The following PCDH15 variants were observed in gnomAD, a reference collection of about 807,000 sequenced individuals.
PCDH15 encodes protocadherin related 15.
PCDH15 carries 129 observed loss-of-function variants against 178.5 expected under a neutral mutation model. That is an observed-to-expected ratio of 0.72 (90% CI 0.63 to 0.84). The LOEUF (loss-of-function observed/expected upper bound fraction) is 0.84, where lower values mean the gene tolerates loss of function less well. Ranked by LOEUF, PCDH15 falls within the 40% of genes least tolerant of loss-of-function variation. The pLI is 0.00. For synonymous variants in PCDH15, 800 were observed against 732.0 expected, an observed-to-expected ratio of 1.09 and a Z score of -1.50; for missense variants, 2,230 against 2,099.9, an observed-to-expected ratio of 1.06 and a Z score of -1.21.
At chr10:54,459,849 T>C (rs1342003694) in intron 3 of PCDH15, among the ~76,000 whole-genome samples, 2 of 152,132 alleles carry the variant, frequency 1.3e-5, no homozygotes, top group East Asian at 3.9e-4. Context: ...GAGAGGTTTT[T>C]GTTTTATCCT....
At position 54,925,608 on chromosome 10, in the gene PCDH15, T is replaced by C. The variant is rs1837600453; in HGVS notation, c.-79-28108A>G. Among the ~76,000 whole-genome samples the C allele has an allele frequency of 2.6e-5, 4 of 152,174 alleles. No homozygotes were observed. The South Asian group carries it at 8.3e-4, about 32-fold the overall frequency. The stretch of plus-strand genomic sequence containing the variant: ...TGTTTTTCCATTTGTTTGTGTCATC[T>C]GGGAATTCTTTGAGCAGTGTTTTGT... On this transcript the variant is annotated intron_variant, in intron 2 of 5. Coordinates refer to the PCDH15 transcript ENST00000458638.
chr10:54,305,961 G>A (rs1287244724), intron 8 of PCDH15, among the ~76,000 whole-genome samples: 1 of 152,012 alleles, frequency 6.6e-6, no homozygotes, highest in Non-Finnish European at 1.5e-5. Context: ...AATGAGACAA[G>A]ATAGTGTAGG....
intron 5 of PCDH15, among the ~76,000 whole-genome samples, chr10:54,348,505 TC>T (rs1202234929): frequency 1.5e-4 from 23 of 152,334 alleles, no homozygotes; most frequent in Non-Finnish European, 3.2e-4. Context: ...GCAAAAGACA[TC>T]CTTATCTTTT....
intron 18 of PCDH15, among the ~76,000 whole-genome samples, chr10:54,061,508 G>C (rs929642507): frequency 6.6e-6 from 1 of 151,464 alleles, no homozygotes; most frequent in African/African-American, 2.4e-5. Context: ...CATTTTTTTG[G>C]CTGGTATTTT....
At chr10:54,203,394 G>C (rs1458264088) in intron 10 of PCDH15, among the ~76,000 whole-genome samples, 1 of 152,084 alleles carries the variant, frequency 6.6e-6, no homozygotes, top group South Asian at 2.1e-4. Context: ...GTATGCCTGT[G>C]TATACACAGT....
At chr10:53,902,137 G>A (rs183874918) in intron 26 of PCDH15, among the ~76,000 whole-genome samples, 6 of 152,190 alleles carry the variant, frequency 3.9e-5, no homozygotes, top group East Asian at 1.9e-4. Context: ...AGCTACAAAG[G>A]ATTCCTACTT....
At chr10:53,994,788 A>G (rs2091744161) in intron 21 of PCDH15, 1 of 152,146 alleles carries the variant, frequency 6.6e-6, no homozygotes. Context: ...TCCAAATCGA[A>G]GCTGAAAAAT....
At chr10:55,305,456 G>C (rs945814959) in intron 1 of PCDH15, among the ~76,000 whole-genome samples, 2 of 152,204 alleles carry the variant, frequency 1.3e-5, no homozygotes, top group African/African-American at 4.8e-5. Flanking sequence ...TCATACCAAA[G>C]TGAAAGCCTG....
chr10:54,307,526 A>T (rs1353091479), intron 8 of PCDH15, among the ~76,000 whole-genome samples: 1 of 151,798 alleles, frequency 6.6e-6, no homozygotes, highest in Non-Finnish European at 1.5e-5. Flanking sequence ...AGGGAGCAAG[A>T]TACCTCCCCG....
chr10:54,543,071 G>A (rs112142636), intron 2 of PCDH15, among the ~76,000 whole-genome samples: 3,605 of 152,232 alleles, frequency 0.024, 146 homozygotes, highest in African/African-American at 0.084. Flanking sequence ...GAAGGAGGCG[G>A]AGTTTGGTCC....
chr10:54,083,628 A>G (rs1590311860), intron 16 of PCDH15, among the ~76,000 whole-genome samples: 1 of 152,160 alleles, frequency 6.6e-6, no homozygotes, highest in African/African-American at 2.4e-5. Context: ...GCTAAGGGAA[A>G]TAAGGAATAG....
At chr10:54,855,811 T>C (rs915968774) in intron 3 of PCDH15, among the ~76,000 whole-genome samples, 5 of 152,202 alleles carry the variant, frequency 3.3e-5, no homozygotes, top group South Asian at 2.1e-4. Context: ...CTGAGTAGCA[T>C]TGACATAGGC....
intron 2 of PCDH15, among the ~76,000 whole-genome samples, chr10:54,991,758 T>A (rs2131917773): frequency 6.6e-6 from 1 of 152,172 alleles, no homozygotes; most frequent in East Asian, 1.9e-4. Flanking sequence ...TCGACTTATT[T>A]ATCAGTGGAG....
chr10:53,829,180 T>C (rs1256753448), intron 30 of PCDH15, among the ~76,000 whole-genome samples: 1 of 152,214 alleles, frequency 6.6e-6, no homozygotes, highest in African/African-American at 2.4e-5. Context: ...CTTTAAATAT[T>C]AGAATTTTAC....
chr10:55,452,237 C>A (rs1313800320), intron 2 of PCDH15, among the ~76,000 whole-genome samples: 1 of 59,280 alleles, frequency 1.7e-5, no homozygotes, highest in African/African-American at 2.1e-4. Context: ...CTCTTAAAAC[C>A]AAAGACGAGT....
At chr10:55,156,132 T>C (rs1186020343) in intron 2 of PCDH15, among the ~76,000 whole-genome samples, 1 of 152,176 alleles carries the variant, frequency 6.6e-6, no homozygotes, top group Non-Finnish European at 1.5e-5. Flanking sequence ...ATAATTTATA[T>C]CTGCAAAATG....
chr10:54,089,847 C>A, intron 16 of PCDH15, 137 bp downstream of exon 16: 2 of 689,146 alleles, frequency 2.9e-6, no homozygotes, highest in Non-Finnish European at 2.5e-6. Context: ...ATCCTCCCAG[C>A]TACCATTAGC....
At chr10:55,164,198 CAAAT>C (rs1300829141) in intron 2 of PCDH15, among the ~76,000 whole-genome samples, 1 of 151,960 alleles carries the variant, frequency 6.6e-6, no homozygotes, top group East Asian at 1.9e-4. Context: ...AAATATCTGA[CAAAT>C]AAAGTTGGAG....
intron 2 of PCDH15, among the ~76,000 whole-genome samples, chr10:55,347,395 T>C (rs967748835): frequency 1.3e-5 from 2 of 152,292 alleles, no homozygotes; most frequent in Admixed American, 6.5e-5. Flanking sequence ...TAAGCTAATA[T>C]AGTTATTAAC....
Sources: gnomAD v4.1 joint callset for allele counts (sites outside exome capture counted in the v4.1 genomes callset) on GRCh38, gnomAD v4.1.1 for gene constraint, MANE v1.5 for transcripts, NCBI Gene and HGNC (gene_info 2026-07-23, HGNC 2026-07-21) for gene names.